PTCD3: variants seen among roughly 807,000 people sequenced by gnomAD.
PTCD3 encodes the protein pentatricopeptide repeat domain 3, also known as small ribosomal subunit protein mS39.
A neutral mutation model predicts 101.9 loss-of-function variants in PTCD3; 89 were observed. The ratio of observed to expected loss-of-function variants is 0.87; its 90% CI spans 0.74 to 1.04. The LOEUF is 1.04. Ranked by LOEUF, PTCD3 falls within the 50% of genes least tolerant of loss-of-function variation. PTCD3 has a pLI of 0.00. For missense variants in PTCD3, 870 were observed against 828.2 expected (o/e 1.05, Z -0.62); for synonymous variants, 296 against 278.5 (o/e 1.06, Z -0.63).
At chr2:86,134,561 A>C (rs1674549333) in intron 20 of PTCD3, among the ~76,000 whole-genome samples, 184 bp downstream of exon 20, 1 of 152,208 alleles carries the variant, frequency 6.6e-6, no homozygotes, top group Non-Finnish European at 1.5e-5. Context: ...TCTTTCCTGT[A>C]GTCCAAAGCA....
At chr2:86,133,536 T>A in intron 19 of PTCD3, 100 bp downstream of exon 19, 2 of 1,177,308 alleles carry the variant, frequency 1.7e-6, no homozygotes, top group Non-Finnish European at 1.2e-6. Flanking sequence ...AAAACTTCCA[T>A]TTTGACTGAA....
chr2:86,137,847 C>CCTG lies in PTCD3; in HGVS notation c.*288_*289insCTG. The CCTG allele has an allele frequency of 2.8e-6, 1 of 351,416 alleles. No homozygotes were observed. Among genetic ancestry groups the CCTG allele is most frequent in the Non-Finnish European group, 5.6e-6 (1 of 180,032 alleles). 21.8% of individuals were successfully genotyped at this position (351,416 alleles called of 1,614,324 possible). A position where few individuals can be genotyped will look rare whatever the true frequency, so the allele number is the denominator to read the frequency against. ...CATGGCTCTTGTCATCAGGATAAGC[C>CCTG]TGCACACCTAGAGTGTCGGTGAGCT... On this transcript the variant is annotated 3_prime_UTR_variant, in exon 24 of 24. Transcript: ENST00000254630.
chr2:86,125,922 T>A, intron 12 of PTCD3, 42 bp downstream of exon 12: 1 of 1,377,512 alleles, frequency 7.3e-7, no homozygotes, highest in Non-Finnish European at 1.0e-6. Flanking sequence ...AGGGCTTAAA[T>A]ACTCTTTACC....
At chr2:86,113,671 G>A (rs1475283333) in intron 4 of PTCD3, among the ~76,000 whole-genome samples, 1 of 152,164 alleles carries the variant, frequency 6.6e-6, no homozygotes, top group East Asian at 1.9e-4. Flanking sequence ...GCTGAGCGTG[G>A]TAGTATGCGC....
chr2:86,126,406 A>C (rs1191124484), intron 12 of PTCD3, among the ~76,000 whole-genome samples: 2 of 152,132 alleles, frequency 1.3e-5, no homozygotes, highest in Non-Finnish European at 2.9e-5. Flanking sequence ...GTATAGAGCT[A>C]GAATTCTGGA....
intron 12 of PTCD3, 25 bp from the exon 13 acceptor site, chr2:86,127,136 T>TA: frequency 6.3e-7 from 1 of 1,590,306 alleles, no homozygotes. Flanking sequence ...GCATGAAAGA[T>TA]ACTTCTTGTT....
In PTCD3 at chr2:86,111,175, G is replaced by T. The variant is rs1558793111; in HGVS notation, c.240+17G>T. 3.8e-6 allele frequency: 6 copies of T among 1,594,602 alleles called. No individual in the cohort carries two copies. The highest frequency in any genetic ancestry group is 5.1e-6 in the Non-Finnish European group (6 of 1,165,630). The stretch of plus-strand genomic sequence containing the variant: ...GTAAACAGGGTAAGTAGGATTTTGT[G>T]TTTTTTTTTAACCTAAAACTTGGCT... On this transcript the variant is annotated intron_variant, in intron 4 of 23. Coordinates refer to ENST00000254630, the MANE Select transcript of PTCD3 (RefSeq NM_017952.6).
intron 1 of PTCD3, among the ~76,000 whole-genome samples, chr2:86,106,741 A>G (rs1339830905): frequency 6.6e-6 from 1 of 152,236 alleles, no homozygotes; most frequent in East Asian, 1.9e-4. Context: ...AATAAAAGGC[A>G]GTCTCTGGTC....
At position 86,117,715 on chromosome 2, in the gene PTCD3, C is replaced by T. The variant is rs1674200216; in HGVS notation, c.414+556C>T. On this transcript the variant is annotated intron_variant, in intron 6 of 23. Transcript: ENST00000254630. ...GGGCTCAAGCAAACACCCTTCTCAG[C>T]CTCTGCAATCTCTGGGATTGCAGGT... is the stretch of plus-strand genomic sequence containing the variant. 2.0e-5 allele frequency among the ~76,000 whole-genome samples: 3 copies of T among 152,280 alleles called. No homozygotes were observed. In the South Asian group the frequency reaches 6.2e-4, roughly 32 times the overall value.
At position 86,138,902 on chromosome 2, in the gene PTCD3, A is replaced by T. The variant is rs1573861555; in HGVS notation, c.*1343A>T. The T allele has an allele frequency of 6.6e-6, 1 of 152,340 alleles. No individual in the cohort carries two copies. Among genetic ancestry groups the T allele is most frequent in the East Asian group, 1.9e-4 (1 of 5,182 alleles). 9.4% of individuals were successfully genotyped at this position (152,340 alleles called of 1,614,324 possible). A position where few individuals can be genotyped will look rare whatever the true frequency, so the allele number is the denominator to read the frequency against. ...TCTTGTTAGCCTTACTATTCAATAC[A>T]GTCCTTAGATTCACGGTATGCCTCT... On this transcript the variant is annotated 3_prime_UTR_variant, in exon 24 of 24. Transcript: ENST00000254630.
At chr2:86,134,504 TC>T in intron 20 of PTCD3, 127 bp downstream of exon 20, 1 of 735,960 alleles carries the variant, frequency 1.4e-6, no homozygotes, top group Non-Finnish European at 2.3e-6. Flanking sequence ...TGATGATACA[TC>T]TAAACATATC....
rs1376040033 is a variant in PTCD3, at chr2:86,118,797, GA to G, written c.415-121del. ...AAATGATCAGTAGTATCTGGTGCAG[GA>G]AACATGAATTGGAGCAGTGAAGTTT... On this transcript the variant is annotated intron_variant, in intron 6 of 23. Coordinates refer to ENST00000254630, the MANE Select transcript of PTCD3 (RefSeq NM_017952.6). 4 of 1,086,894 alleles carry G rather than the reference GA, an allele frequency of 3.7e-6. No homozygotes were observed. The Admixed American group carries it at 9.6e-5, about 26-fold the overall frequency. The allele number at this position is 1,086,894 out of a possible 1,614,324, so 67.3% of individuals were successfully genotyped here. A position where few individuals can be genotyped will look rare whatever the true frequency, so the allele number is the denominator to read the frequency against.
intron 3 of PTCD3, chr2:86,108,825 C>A: frequency 6.6e-6 from 2 of 301,892 alleles, no homozygotes; most frequent in Non-Finnish European, 1.2e-5. Flanking sequence ...TGAACATCAT[C>A]ATTAGAATAA....
At chr2:86,120,232 A>T (rs1286571726) in intron 7 of PTCD3, among the ~76,000 whole-genome samples, 2 of 151,720 alleles carry the variant, frequency 1.3e-5, no homozygotes, top group Non-Finnish European at 2.9e-5. Flanking sequence ...TTCTAGTTTT[A>T]CCCCCTTTAT....
rs1330602684 is a variant in PTCD3 at position 86,106,351 on chromosome 2, G to A, written c.104G>A (p.Arg35Lys). 1.2e-6 allele frequency: 2 copies of A among 1,613,692 alleles called. No individual in the cohort carries two copies. The highest frequency in any genetic ancestry group is 2.2e-5 in the East Asian group (1 of 44,888). Reference sequence around the variant, plus strand: ...TTGTGTGAACAGGCACGCAGCTGCAGGTAAGAGACGCTTAGGGTATCCGCG... The same window carrying A: ...TTGTGTGAACAGGCACGCAGCTGCAAGTAAGAGACGCTTAGGGTATCCGCG... ...AGLCEQARSC[R>K]FYSGSATLSK... The change falls in exon 1 of 24, where the codon AGA becomes AAA. Residue 35 changes from arginine to lysine, a missense_variant and splice_region_variant. By Grantham distance (26) the Arg-to-Lys change is conservative. Coordinates refer to ENST00000254630, the MANE Select transcript of PTCD3 (RefSeq NM_017952.6).
Position 86,134,844 on chromosome 2 carries a change from G to A in PTCD3, c.1635G>A (p.Gln545=). The A allele has an allele frequency of 6.8e-6, 11 of 1,614,054 alleles. No homozygotes were observed. The highest frequency in any genetic ancestry group is 9.3e-6 in the Non-Finnish European group (11 of 1,180,012). The change falls in exon 21 of 24, where the codon CAG becomes CAA. Residue 545 remains glutamine (Q), a synonymous_variant. Transcript: ENST00000254630. ...CTGACTCCTAAGCTTCTCAGCTTCA[G>A]GTGGCATTTGCTGACTGTGCTGCTG... The part of the protein sequence containing the change: ...MARDKHPPEL[Q]VAFADCAADI...
chr2:86,119,231 C>T (rs1222860605), intron 7 of PTCD3, 187 bp downstream of exon 7: 16 of 731,728 alleles, frequency 2.2e-5, no homozygotes, highest in Admixed American at 1.4e-4. Context: ...GAATTACAGG[C>T]GAAGTAGAAT....
At chr2:86,120,364 G>A (rs993760319) in intron 7 of PTCD3, among the ~76,000 whole-genome samples, 13 of 152,086 alleles carry the variant, frequency 8.5e-5, no homozygotes, top group Non-Finnish European at 1.5e-5. Flanking sequence ...CCTAATAAGT[G>A]CAAAACACTG....
At chr2:86,131,205 C>A (rs1674488602) in intron 16 of PTCD3, 99 bp downstream of exon 16, 2 of 880,410 alleles carry the variant, frequency 2.3e-6, no homozygotes, top group Admixed American at 7.0e-5. Context: ...CTCTTCTGTT[C>A]ATGTCTTTGC....
Sources: gnomAD v4.1 joint callset for allele counts (sites outside exome capture counted in the v4.1 genomes callset) on GRCh38, gnomAD v4.1.1 for gene constraint, MANE v1.5 for transcripts, NCBI Gene and HGNC (gene_info 2026-07-23, HGNC 2026-07-21) for gene names.